Variants in ST3GAL2 observed in about 807,000 individuals in gnomAD.
The protein encoded by ST3GAL2 is CMP-N-acetylneuraminate-beta-galactosamide-alpha-2,3-sialyltransferase 2.
In ST3GAL2, 16 loss-of-function variants were observed where a neutral mutation model predicts 37.5. That is an observed-to-expected ratio of 0.43 (90% CI 0.29 to 0.65). The LOEUF (loss-of-function observed/expected upper bound fraction) is 0.65, where lower values mean the gene tolerates loss of function less well. ST3GAL2 is among the 30% of genes least tolerant of loss of function. The pLI, the probability that ST3GAL2 is intolerant of heterozygous loss-of-function variation, is 0.17. For missense variants in ST3GAL2, 383 were observed against 487.8 expected (o/e 0.79, Z 2.02); for synonymous variants, 238 against 202.9 (o/e 1.17, Z -1.47).
chr16:70,410,483 G>C (rs2047630118), intron 1 of ST3GAL2, among the ~76,000 whole-genome samples: 1 of 151,206 alleles, frequency 6.6e-6, no homozygotes, highest in Non-Finnish European at 1.5e-5. Flanking sequence ...TTGATCTCCT[G>C]ACCTCGTGAT....
In ST3GAL2 at chr16:70,380,705, A is replaced by T. The variant is rs1467837764; in HGVS notation, c.*984T>A. 2 of 152,400 alleles carry T rather than the reference A, an allele frequency of 1.3e-5. No homozygotes were observed. The highest frequency in any genetic ancestry group is 1.3e-4 in the Admixed American group (2 of 15,282). 9.4% of individuals were successfully genotyped at this position (152,400 alleles called of 1,614,324 possible). A position where few individuals can be genotyped will look rare whatever the true frequency, so the allele number is the denominator to read the frequency against. On this transcript the variant is annotated 3_prime_UTR_variant, in exon 7 of 7. Coordinates refer to ENST00000342907, the MANE Select transcript of ST3GAL2 (RefSeq NM_006927.4). ...CACGGCAGCTTCAGCTTAACCAAAG[A>T]ATGAGCCCCAGGCAAAGTTACCCCC...
At chr16:70,416,626 CATT>C (rs1424869400) in intron 1 of ST3GAL2, among the ~76,000 whole-genome samples, 1 of 151,986 alleles carries the variant, frequency 6.6e-6, no homozygotes, top group Non-Finnish European at 1.5e-5. Flanking sequence ...GCTTTGAAAC[CATT>C]ATTATGAATT....
At chr16:70,421,141 C>A (rs1055108054) in intron 1 of ST3GAL2, among the ~76,000 whole-genome samples, 1 of 152,224 alleles carries the variant, frequency 6.6e-6, no homozygotes, top group Non-Finnish European at 1.5e-5. Context: ...TGCCTGAGAG[C>A]CCAGCACACA....
At chr16:70,385,520 A>C (rs909849107) in intron 4 of ST3GAL2, among the ~76,000 whole-genome samples, 8 of 152,036 alleles carry the variant, frequency 5.3e-5, no homozygotes, top group African/African-American at 1.9e-4. Flanking sequence ...AAAAATAGTT[A>C]AAATGGCAAA....
At chr16:70,388,872 T>C (rs2151658788) in intron 3 of ST3GAL2, among the ~76,000 whole-genome samples, 1 of 148,138 alleles carries the variant, frequency 6.8e-6, no homozygotes, top group South Asian at 2.2e-4. Context: ...AGACCAGCCT[T>C]AGCCAACATG....
At chr16:70,420,011 AC>A (rs72523670) in intron 1 of ST3GAL2, among the ~76,000 whole-genome samples, 96 of 119,438 alleles carry the variant, frequency 8.0e-4, no homozygotes, top group African/African-American at 3.2e-3. Flanking sequence ...TGACCATTTG[AC>A]CCCCCCCTTC....
At chr16:70,418,081 C>T (rs888215342) in intron 1 of ST3GAL2, among the ~76,000 whole-genome samples, 4 of 152,144 alleles carry the variant, frequency 2.6e-5, no homozygotes, top group Non-Finnish European at 2.9e-5. Flanking sequence ...CTTCTGTACT[C>T]GTCTGCATGT....
At chr16:70,404,134 C>G (rs2047573553) in intron 1 of ST3GAL2, among the ~76,000 whole-genome samples, 1 of 152,150 alleles carries the variant, frequency 6.6e-6, no homozygotes, top group Non-Finnish European at 1.5e-5. Flanking sequence ...ATTCTTAAAA[C>G]TACAGGACCA....
rs1013539069 is a variant in ST3GAL2 at position 70,376,976 on chromosome 16, C to G, written c.*4713G>C. 1 of 151,498 alleles carries G rather than the reference C, an allele frequency of 6.6e-6. No individual in the cohort carries two copies. Among genetic ancestry groups the G allele is most frequent in the Admixed American group, 6.6e-5 (1 of 15,178 alleles). 9.4% of individuals were successfully genotyped at this position (151,498 alleles called of 1,614,324 possible). On this transcript the variant is annotated 3_prime_UTR_variant, in exon 7 of 7. Coordinates refer to ENST00000342907, the MANE Select transcript of ST3GAL2 (RefSeq NM_006927.4). Reference sequence around the variant, plus strand: ...CAGGCTGGTCTTGAACTCCTGACCTCGTGATTCACCTGCCTCAGCCTCCCA... The same window carrying G: ...CAGGCTGGTCTTGAACTCCTGACCTGGTGATTCACCTGCCTCAGCCTCCCA...
chr16:70,406,370 G>C (rs1334175126), intron 1 of ST3GAL2, among the ~76,000 whole-genome samples: 1 of 152,026 alleles, frequency 6.6e-6, no homozygotes, highest in Non-Finnish European at 1.5e-5. Flanking sequence ...TAGCCGGGGG[G>C]TGGTGGCAGA....
chr16:70,386,493 C>T (rs1218478140), intron 4 of ST3GAL2, among the ~76,000 whole-genome samples: 1 of 151,852 alleles, frequency 6.6e-6, no homozygotes, highest in African/African-American at 2.4e-5. Flanking sequence ...GCCTGGCCGG[C>T]CACACCCAGC....
At chr16:70,385,698 C>CTTTTTTTTT (rs1034830291) in intron 4 of ST3GAL2, among the ~76,000 whole-genome samples, 2 of 92,212 alleles carry the variant, frequency 2.2e-5, no homozygotes, top group Non-Finnish European at 2.1e-5. Context: ...TTTTTTGGTT[C>CTTTTTTTTT]TTTTTTTTTT....
At chr16:70,416,834 G>C (rs1044675630) in intron 1 of ST3GAL2, among the ~76,000 whole-genome samples, 1 of 152,066 alleles carries the variant, frequency 6.6e-6, no homozygotes, top group African/African-American at 2.4e-5. Flanking sequence ...GTGCCTGGAC[G>C]ACGGCAGGGA....
chr16:70,414,947 C>T (rs2047665371), intron 1 of ST3GAL2, among the ~76,000 whole-genome samples: 1 of 152,136 alleles, frequency 6.6e-6, no homozygotes, highest in South Asian at 2.1e-4. Context: ...GATCTCGGCT[C>T]ACTGCAAGCT....
Position 70,398,644 on chromosome 16 carries a change from C to A in ST3GAL2, c.-114G>T. On this transcript the variant is annotated 5_prime_UTR_variant, in exon 2 of 7. Coordinates refer to ENST00000342907, the MANE Select transcript of ST3GAL2 (RefSeq NM_006927.4). ...ACCACATGCAAAGGGCATAGGGGCA[C>A]GTGCTGCAGCAGGGGACAGTGGCAG... 9.9e-7 allele frequency: 1 copy of A among 1,008,810 alleles called. No individual in the cohort carries two copies. Among genetic ancestry groups the A allele is most frequent in the Non-Finnish European group, 1.4e-6 (1 of 698,882 alleles). 62.5% of individuals were successfully genotyped at this position (1,008,810 alleles called of 1,614,324 possible). A position where few individuals can be genotyped will look rare whatever the true frequency, so the allele number is the denominator to read the frequency against.
chr16:70,410,239 C>CTTTTTTTTTTTTTTTTTTTTT (rs1567672969), intron 1 of ST3GAL2, among the ~76,000 whole-genome samples: 1 of 78,174 alleles, frequency 1.3e-5, no homozygotes, highest in African/African-American at 7.1e-5. Context: ...TCCACCCTCA[C>CTTTTTTTTTTTTTTTTTTTTT]CTTTTTTTTT....
At chr16:70,393,211 G>A (rs1438171128) in intron 3 of ST3GAL2, among the ~76,000 whole-genome samples, 1 of 151,800 alleles carries the variant, frequency 6.6e-6, no homozygotes, top group Admixed American at 6.6e-5. Context: ...CCGAGTAGCT[G>A]GGATTATAGT....
chr16:70,383,586 G>C (rs2047421232), intron 4 of ST3GAL2, among the ~76,000 whole-genome samples: 1 of 150,730 alleles, frequency 6.6e-6, no homozygotes, highest in Admixed American at 6.7e-5. Context: ...AAAGGAGAGG[G>C]GTGGGGAGGG....
In ST3GAL2 at chr16:70,377,178, T is replaced by TAAAAAAAAAAAAA. The variant is rs34454921; in HGVS notation, c.*4498_*4510dup. On this transcript the variant is annotated 3_prime_UTR_variant, in exon 7 of 7. Coordinates refer to ENST00000342907, the MANE Select transcript of ST3GAL2 (RefSeq NM_006927.4). The stretch of plus-strand genomic sequence containing the variant: ...CTGGGCGACAGGAGACCCTGTCTCT[T>TAAAAAAAAAAAAA]AAAAAAAAAAAAAAAAAAAAAAAAA... 3.5e-5 allele frequency: 3 copies of TAAAAAAAAAAAAA among 85,494 alleles called. No homozygotes were observed. The highest frequency in any genetic ancestry group is 1.3e-4 in the Admixed American group (1 of 7,746). 5.3% of individuals were successfully genotyped at this position (85,494 alleles called of 1,614,324 possible).
Sources: gnomAD v4.1 joint callset for allele counts (sites outside exome capture counted in the v4.1 genomes callset) on GRCh38, gnomAD v4.1.1 for gene constraint, MANE v1.5 for transcripts, NCBI Gene and HGNC (gene_info 2026-07-23, HGNC 2026-07-21) for gene names.